Variants in SPOCK3 observed in about 807,000 individuals in gnomAD.
The protein encoded by SPOCK3 is SPARC (osteonectin), cwcv and kazal like domains proteoglycan 3, also known as testican-3.
In SPOCK3, 30 loss-of-function variants were observed where a neutral mutation model predicts 56.6. The observed-to-expected ratio is 0.53, with a 90% confidence interval of 0.40 to 0.72. SPOCK3 has a LOEUF of 0.72. Ranked by LOEUF, SPOCK3 falls within the 30% of genes least tolerant of loss-of-function variation. The pLI is 0.00. For missense variants in SPOCK3, 527 were observed against 530.0 expected, an observed-to-expected ratio of 0.99 and a Z score of 0.06; for synonymous variants, 196 against 183.3, an observed-to-expected ratio of 1.07 and a Z score of -0.56.
chr4:166,865,423 C>G (rs1193976349), intron 6 of SPOCK3, among the ~76,000 whole-genome samples: 1 of 152,150 alleles, frequency 6.6e-6, no homozygotes, highest in Admixed American at 6.6e-5. Flanking sequence ...ATTGGAAACT[C>G]TGGCCAGGGC....
intron 2 of SPOCK3, among the ~76,000 whole-genome samples, chr4:167,220,186 TTTAA>T (rs1436670172): frequency 6.6e-6 from 1 of 152,104 alleles, no homozygotes; most frequent in East Asian, 1.9e-4. Flanking sequence ...AATCCTAGAA[TTTAA>T]TTAAAGAAAA....
intron 2 of SPOCK3, among the ~76,000 whole-genome samples, chr4:167,155,192 T>C (rs1271620570): frequency 6.6e-6 from 1 of 152,100 alleles, no homozygotes; most frequent in Admixed American, 6.6e-5. Context: ...CTTGGCTCAC[T>C]GCAATCTCCA....
rs576225327 is a variant in SPOCK3 at position 166,948,410 on chromosome 4, G to A, written c.351-35667C>T. Reference sequence around the variant, plus strand: ...ATTGCTGGATCATATGGTAATTCAAGTTTTATATTTTTTTGAGGAATCTCC... The same window carrying A: ...ATTGCTGGATCATATGGTAATTCAAATTTTATATTTTTTTGAGGAATCTCC... On this transcript the variant is annotated intron_variant, in intron 4 of 10. Transcript: ENST00000357545. Among the ~76,000 whole-genome samples, 4 of 152,166 alleles carry A rather than the reference G, an allele frequency of 2.6e-5. No individual in the cohort carries two copies. In the South Asian group the frequency reaches 6.2e-4, roughly 24 times the overall value.
intron 4 of SPOCK3, among the ~76,000 whole-genome samples, chr4:166,932,152 T>A (rs1739862364): frequency 6.6e-6 from 1 of 152,208 alleles, no homozygotes; most frequent in Admixed American, 6.5e-5. Flanking sequence ...GTATGTTAAC[T>A]CATTGCATTA....
intron 4 of SPOCK3, among the ~76,000 whole-genome samples, chr4:166,994,552 TTATAA>T (rs1278475260): frequency 6.6e-6 from 1 of 152,120 alleles, no homozygotes; most frequent in Non-Finnish European, 1.5e-5. Context: ...CTGGGCCAGA[TTATAA>T]AGGACCACGA....
At chr4:167,193,247 T>C (rs1198795302) in intron 2 of SPOCK3, among the ~76,000 whole-genome samples, 1 of 146,316 alleles carries the variant, frequency 6.8e-6, no homozygotes, top group African/African-American at 2.6e-5. Flanking sequence ...TTCTTTGTAG[T>C]ATTACGGTTT....
At chr4:166,797,205 A>C (rs2126674122) in intron 6 of SPOCK3, among the ~76,000 whole-genome samples, 1 of 149,446 alleles carries the variant, frequency 6.7e-6, no homozygotes, top group South Asian at 2.1e-4. Flanking sequence ...AAATATTTAT[A>C]ATTTAAGTGG....
chr4:166,900,370 A>G (rs1164678592), intron 5 of SPOCK3, among the ~76,000 whole-genome samples: 1 of 152,108 alleles, frequency 6.6e-6, no homozygotes, highest in Admixed American at 6.6e-5. Flanking sequence ...AATAAACTCA[A>G]AAAGATTTAT....
chr4:166,780,085 A>G (rs1157875461), intron 7 of SPOCK3, among the ~76,000 whole-genome samples: 1 of 152,170 alleles, frequency 6.6e-6, no homozygotes, highest in Admixed American at 6.6e-5. Context: ...TTGTTCACAA[A>G]TAAACAATAA....
intron 4 of SPOCK3, among the ~76,000 whole-genome samples, chr4:166,958,083 A>G (rs1743705688): frequency 6.6e-6 from 1 of 152,106 alleles, no homozygotes; most frequent in Non-Finnish European, 1.5e-5. Context: ...CCCCTATGCT[A>G]GGGGGAGAGC....
At chr4:166,992,406 A>T (rs959298802) in intron 4 of SPOCK3, among the ~76,000 whole-genome samples, 1 of 152,204 alleles carries the variant, frequency 6.6e-6, no homozygotes, top group Non-Finnish European at 1.5e-5. Context: ...ATAAACAATC[A>T]TAGTTTTTCT....
At chr4:167,217,359 T>C (rs937571147) in intron 2 of SPOCK3, among the ~76,000 whole-genome samples, 6 of 151,638 alleles carry the variant, frequency 4.0e-5, no homozygotes, top group Admixed American at 3.9e-4. Flanking sequence ...ACAGATGTTT[T>C]TTTTTGTTGT....
In SPOCK3 at chr4:166,737,501, G is replaced by A; in HGVS notation, c.1098C>T (p.Val366=). 6.2e-7 allele frequency: 1 copy of A among 1,613,260 alleles called. No homozygotes were observed. Among genetic ancestry groups the A allele is most frequent in the African/African-American group, 1.3e-5 (1 of 74,974 alleles). The change falls in exon 10 of 11, where the codon GTC becomes GTT. Residue 366 remains valine (V), a synonymous_variant. Coordinates refer to ENST00000357545, the MANE Select transcript of SPOCK3 (RefSeq NM_001040159.2). ...CAACACCATTTATTCTGGATCCCAT[G>A]ACTTCATTTCCATATCTGTCAACAC... ...CWCVDRYGNE[V]MGSRINGVAD... is the part of the protein sequence containing the mutation.
chr4:167,224,488 G>T (rs1182563368), intron 2 of SPOCK3, among the ~76,000 whole-genome samples: 2 of 152,066 alleles, frequency 1.3e-5, no homozygotes, highest in African/African-American at 2.4e-5. Context: ...TGTGGAAAAA[G>T]AAGCAATTTT....
chr4:166,794,989 C>T (rs896058229), intron 6 of SPOCK3, among the ~76,000 whole-genome samples: 7 of 152,088 alleles, frequency 4.6e-5, no homozygotes, highest in African/African-American at 1.7e-4. Context: ...TATACAAACA[C>T]ATTCATTTAA....
At chr4:166,988,170 C>G (rs1362240898) in intron 4 of SPOCK3, among the ~76,000 whole-genome samples, 4 of 151,722 alleles carry the variant, frequency 2.6e-5, no homozygotes, top group Non-Finnish European at 4.4e-5. Context: ...TAGGGATATG[C>G]AGAAGAGGAT....
chr4:167,060,007 G>T (rs1273579312), intron 3 of SPOCK3, among the ~76,000 whole-genome samples: 10 of 151,366 alleles, frequency 6.6e-5, no homozygotes, highest in East Asian at 1.9e-4. Context: ...GTTGTGGGGT[G>T]GGGGGAGTGG....
intron 2 of SPOCK3, among the ~76,000 whole-genome samples, chr4:167,154,220 GCA>G (rs111292629): frequency 6.6e-6 from 1 of 151,548 alleles, no homozygotes; most frequent in South Asian, 2.1e-4. Context: ...ATGCACGCGT[GCA>G]CACACACACA....
intron 3 of SPOCK3, among the ~76,000 whole-genome samples, chr4:167,050,491 T>C (rs1045429752): frequency 1.3e-5 from 2 of 152,126 alleles, no homozygotes; most frequent in African/African-American, 2.4e-5. Context: ...GAGAACAATA[T>C]GGTTGTTTCC....
Sources: gnomAD v4.1 joint callset for allele counts (sites outside exome capture counted in the v4.1 genomes callset) on GRCh38, gnomAD v4.1.1 for gene constraint, MANE v1.5 for transcripts, NCBI Gene and HGNC (gene_info 2026-07-23, HGNC 2026-07-21) for gene names.